Variants in FRS2 observed in about 807,000 individuals in gnomAD.
FRS2 encodes the protein FGFR signalling adaptor.
A neutral mutation model predicts 43.9 loss-of-function variants in FRS2; 8 were observed. The ratio of observed to expected loss-of-function variants is 0.18; its 90% CI spans 0.11 to 0.33. The LOEUF is 0.33. Among genes scored for constraint, FRS2 ranks in the 10% least tolerant of loss-of-function variants. The pLI is 1.00. For synonymous variants in FRS2, 219 were observed against 220.3 expected, an observed-to-expected ratio of 0.99 and a Z score of 0.05; for missense variants, 534 against 627.6, an observed-to-expected ratio of 0.85 and a Z score of 1.59.
At chr12:69,530,559 T>A (rs1876687409) in intron 1 of FRS2, among the ~76,000 whole-genome samples, 1 of 152,156 alleles carries the variant, frequency 6.6e-6, no homozygotes, top group Non-Finnish European at 1.5e-5. Flanking sequence ...GGCAATGTAG[T>A]GAGACCCTGT....
At chr12:69,476,725 G>T in intron 1 of FRS2, among the ~76,000 whole-genome samples, 1 of 147,530 alleles carries the variant, frequency 6.8e-6, no homozygotes. Context: ...TGGTTCACTT[G>T]GGTGGGCAGG....
chr12:69,483,518 A>G (rs756381738), intron 1 of FRS2, among the ~76,000 whole-genome samples: 18 of 152,196 alleles, frequency 1.2e-4, no homozygotes, highest in Non-Finnish European at 2.2e-4. Context: ...TCTTAATTCT[A>G]TCACTAATAC....
chr12:69,548,520 A>G (rs1657171180), intron 3 of FRS2, among the ~76,000 whole-genome samples: 1 of 152,236 alleles, frequency 6.6e-6, no homozygotes, highest in South Asian at 2.1e-4. Context: ...TTTGACTAAG[A>G]AATGTAAAAG....
chr12:69,515,648 G>C (rs1183016510), intron 1 of FRS2, among the ~76,000 whole-genome samples: 1 of 152,094 alleles, frequency 6.6e-6, no homozygotes, highest in Non-Finnish European at 1.5e-5. Flanking sequence ...AATACATGTG[G>C]AAGAGAGGGT....
rs1048510994 is a variant in FRS2 at position 69,470,450 on chromosome 12, A to AG, written c.-337dup. 24 of 398,386 alleles carry AG rather than the reference A, an allele frequency of 6.0e-5. No individual in the cohort carries two copies. The highest frequency in any genetic ancestry group is 9.7e-5 in the Non-Finnish European group (22 of 226,018). The allele number at this position is 398,386 out of a possible 1,614,324, so 24.7% of individuals were successfully genotyped here. On this transcript the variant is annotated 5_prime_UTR_variant, in exon 1 of 9. Transcript: ENST00000549921. ...GGCTGAGACTCGATCTGCTCCAAGTAGGGGCTCCAGCGCGGGTCGGAGTCT... is the reference window on the plus strand; with the variant it reads ...GGCTGAGACTCGATCTGCTCCAAGTAGGGGGCTCCAGCGCGGGTCGGAGTCT...
At chr12:69,552,581 A>C (rs899425462) in intron 3 of FRS2, among the ~76,000 whole-genome samples, 5 of 152,110 alleles carry the variant, frequency 3.3e-5, no homozygotes, top group Non-Finnish European at 7.3e-5. Context: ...GTAGTGTCTT[A>C]TTTTGTAGTT....
At chr12:69,514,614 C>T (rs1874799053) in intron 1 of FRS2, among the ~76,000 whole-genome samples, 1 of 152,130 alleles carries the variant, frequency 6.6e-6, no homozygotes, top group South Asian at 2.1e-4. Flanking sequence ...GGGTGGATCA[C>T]CTGAGGTCAG....
chr12:69,491,082 C>T (rs1872435967), intron 1 of FRS2, among the ~76,000 whole-genome samples: 1 of 152,138 alleles, frequency 6.6e-6, no homozygotes. Flanking sequence ...CATTTTCTTC[C>T]TACATTTATA....
chr12:69,495,857 A>G (rs894645656), intron 1 of FRS2, among the ~76,000 whole-genome samples: 3 of 152,166 alleles, frequency 2.0e-5, no homozygotes, highest in African/African-American at 7.2e-5. Flanking sequence ...GATTGAGCCT[A>G]GGAGATAGAG....
Position 69,508,024 on chromosome 12 carries a change from CAAAAAAAA to C in FRS2, c.-260-22818_-260-22811del, listed in dbSNP as rs11365179. ...GGGCAACAAGAGCGAAACCCCGTCT[CAAAAAAAA>C]AAAAAAAAAAAAAAAAAAAAAAGTT... On this transcript the variant is annotated intron_variant, in intron 1 of 8. Transcript: ENST00000549921. Among the ~76,000 whole-genome samples the C allele has an allele frequency of 7.4e-3, 353 of 47,620 alleles. 3 individuals carry two copies. The highest frequency in any genetic ancestry group is 0.023 in the African/African-American group (318 of 13,818). The allele number at this position is 47,620 out of a possible 152,430, so 31.2% of individuals were successfully genotyped here. A position where few individuals can be genotyped will look rare whatever the true frequency, so the allele number is the denominator to read the frequency against.
chr12:69,510,936 T>C (rs1874397128), intron 1 of FRS2, among the ~76,000 whole-genome samples: 1 of 152,236 alleles, frequency 6.6e-6, no homozygotes, highest in Non-Finnish European at 1.5e-5. Context: ...TCTTTGAACA[T>C]GTTCTGAAAT....
At chr12:69,559,156 T>C (rs1430154621) in intron 3 of FRS2, among the ~76,000 whole-genome samples, 1 of 152,190 alleles carries the variant, frequency 6.6e-6, no homozygotes, top group Non-Finnish European at 1.5e-5. Context: ...AATGCCACTT[T>C]ATTAATATTT....
chr12:69,506,625 C>T lies in FRS2; in HGVS notation c.-260-24240C>T, dbSNP rs1423320603. Among the ~76,000 whole-genome samples the T allele has an allele frequency of 3.3e-5, 5 of 152,046 alleles. No homozygotes were observed. In the East Asian group the frequency reaches 5.8e-4, roughly 18 times the overall value. The stretch of plus-strand genomic sequence containing the variant: ...TTGAAAGATTCTTTTAGATCCAGTT[C>T]GGTGTCTACTTCTTCTTTCAAGCCC... On this transcript the variant is annotated intron_variant, in intron 1 of 8. Coordinates refer to ENST00000549921, the MANE Select transcript of FRS2 (RefSeq NM_001278356.2).
At chr12:69,486,208 G>C (rs755374891) in intron 1 of FRS2, 7 of 149,728 alleles carry the variant, frequency 4.7e-5, no homozygotes, top group Non-Finnish European at 1.0e-4. Flanking sequence ...ACAGATTGAA[G>C]GTTTGTGGCA....
chr12:69,522,920 A>G (rs140725237), intron 1 of FRS2, among the ~76,000 whole-genome samples: 41 of 152,056 alleles, frequency 2.7e-4, no homozygotes, highest in African/African-American at 9.9e-4. Flanking sequence ...CTTGAGTTCT[A>G]TTTTTCTTAT....
intron 3 of FRS2, among the ~76,000 whole-genome samples, chr12:69,551,741 C>CT (rs1878889301): frequency 6.6e-6 from 1 of 151,888 alleles, no homozygotes; most frequent in African/African-American, 2.4e-5. Flanking sequence ...TCACATCAGT[C>CT]GTGGATGCTC....
At chr12:69,517,974 T>C (rs1875225827) in intron 1 of FRS2, among the ~76,000 whole-genome samples, 1 of 152,180 alleles carries the variant, frequency 6.6e-6, no homozygotes, top group African/African-American at 2.4e-5. Context: ...TTTTTTCCTA[T>C]ATTGCATTTA....
rs34097404 is a variant in FRS2, at chr12:69,574,663, G to A, written c.1235G>A (p.Arg412His). Reference sequence around the variant, plus strand: ...GCTCACAAAATAGAATATTCAAGGCGTCGGGACTGTACACCAACAGTCTTT... The same window carrying A: ...GCTCACAAAATAGAATATTCAAGGCATCGGGACTGTACACCAACAGTCTTT... Reference protein sequence around the residue: ...ASAHKIEYSRRRDCTPTVFNF... With the variant: ...ASAHKIEYSRHRDCTPTVFNF... Residue 412 changes from arginine to histidine, a missense_variant, in exon 9 of 9, where the codon CGT (arginine) becomes CAT (histidine). Coordinates refer to ENST00000549921, the MANE Select transcript of FRS2 (RefSeq NM_001278356.2). 9.3e-6 allele frequency: 15 copies of A among 1,613,982 alleles called. No homozygotes were observed. The highest frequency in any genetic ancestry group is 3.3e-4 in the Middle Eastern group (2 of 6,084).
chr12:69,529,719 T>A (rs1876604682), intron 1 of FRS2, among the ~76,000 whole-genome samples: 1 of 152,094 alleles, frequency 6.6e-6, no homozygotes, highest in Non-Finnish European at 1.5e-5. Context: ...TTTCAGTAAA[T>A]CCTTATGAAC....
Sources: gnomAD v4.1 joint callset for allele counts (sites outside exome capture counted in the v4.1 genomes callset) on GRCh38, gnomAD v4.1.1 for gene constraint, MANE v1.5 for transcripts, NCBI Gene and HGNC (gene_info 2026-07-23, HGNC 2026-07-21) for gene names.